ZNF284: variants seen among roughly 807,000 people sequenced by gnomAD.
ZNF284 encodes zinc finger protein 284.
Under a neutral mutation model 12.9 loss-of-function variants are expected in ZNF284, and 12 were observed. The observed-to-expected ratio is 0.93, with a 90% CI of 0.60 to 1.51. The LOEUF is 1.51. ZNF284 is among the 40% of genes most tolerant of loss of function. The pLI is 0.00. For missense variants in ZNF284, 667 were observed against 707.3 expected (o/e 0.94, Z 0.65); for synonymous variants, 225 against 236.5 (o/e 0.95, Z 0.45).
At chr19:44,076,299 T>TG in intron 1 of ZNF284, 23 bp from the exon 2 acceptor site, 1 of 1,343,490 alleles carries the variant, frequency 7.4e-7, no homozygotes. Context: ...TTTTTTTTTT[T>TG]TGCCTTCCAT....
intron 4 of ZNF284, among the ~76,000 whole-genome samples, chr19:44,082,749 T>C (rs1251165329): frequency 6.6e-6 from 1 of 152,144 alleles, no homozygotes; most frequent in Non-Finnish European, 1.5e-5. Flanking sequence ...AGCAGCTACA[T>C]TGCATCTCTA....
rs1348433966 is a variant in ZNF284 at position 44,087,113 on chromosome 19, G to T, written c.1635G>T (p.Gly545=). ...AACTATTCCAATGTGAGGATTGTGG[G>T]AAGAGCAGTGAGCACAGTTCATGCC... ...REKLFQCEDC[G]KSSEHSSCLQ... is the part of the protein sequence containing the mutation. The change falls in exon 5 of 5, where the codon GGG becomes GGT. Residue 545 remains glycine, a synonymous_variant. Coordinates refer to ENST00000421176, the MANE Select transcript of ZNF284 (RefSeq NM_001037813.4). 1 of 1,614,152 alleles carries T rather than the reference G, an allele frequency of 6.2e-7. No individual in the cohort carries two copies. Among genetic ancestry groups the T allele is most frequent in the South Asian group, 1.1e-5 (1 of 91,068 alleles).
chr19:44,084,385 G>A (rs532592258), intron 4 of ZNF284, among the ~76,000 whole-genome samples: 17 of 152,328 alleles, frequency 1.1e-4, no homozygotes, highest in Non-Finnish European at 2.4e-4. Context: ...ACGGGCACAG[G>A]TTGTGGTGGG....
rs1967241968 is a variant in ZNF284, at chr19:44,086,225, T to C, written c.747T>C (p.His249=). The C allele has an allele frequency of 1.2e-6, 2 of 1,614,174 alleles. No homozygotes were observed. The highest frequency in any genetic ancestry group is 8.5e-7 in the Non-Finnish European group (1 of 1,180,022). ...GCCGTAGATCAGGAATGTATGTTCA[T>C]TGCAAATTACACACAGGAGAAAAAC... is the stretch of plus-strand genomic sequence containing the variant. ...SFSRRSGMYV[H]CKLHTGEKPH... The change falls in exon 5 of 5, where the codon CAT becomes CAC. Residue 249 remains histidine (H), a synonymous_variant. Coordinates refer to ENST00000421176, the MANE Select transcript of ZNF284 (RefSeq NM_001037813.4).
At chr19:44,075,079 T>C (rs1336782373) in intron 1 of ZNF284, among the ~76,000 whole-genome samples, 1 of 152,154 alleles carries the variant, frequency 6.6e-6, no homozygotes, top group Non-Finnish European at 1.5e-5. Flanking sequence ...ATAATAGTAG[T>C]TGTAGTGTCA....
chr19:44,086,237 C>T lies in ZNF284; in HGVS notation c.759C>T (p.His253=), dbSNP rs773072009. 1.2e-6 allele frequency: 2 copies of T among 1,614,184 alleles called. No homozygotes were observed. The highest frequency in any genetic ancestry group is 8.5e-7 in the Non-Finnish European group (1 of 1,180,032). The change falls in exon 5 of 5, where the codon CAC becomes CAT. Residue 253 remains histidine, a synonymous_variant. Transcript: ENST00000421176. ...GAATGTATGTTCATTGCAAATTACA[C>T]ACAGGAGAAAAACCTCATATTTGTG... ...RSGMYVHCKL[H]TGEKPHICEE...
intron 4 of ZNF284, among the ~76,000 whole-genome samples, chr19:44,083,002 A>C (rs1967152452): frequency 1.3e-5 from 2 of 152,122 alleles, no homozygotes. Context: ...TGTCTACTAC[A>C]GAAGCTTCTG....
chr19:44,083,270 C>T (rs1318277595), intron 4 of ZNF284, among the ~76,000 whole-genome samples: 1 of 151,324 alleles, frequency 6.6e-6, no homozygotes, highest in Non-Finnish European at 1.5e-5. Flanking sequence ...CCTGACTCTA[C>T]TAAAAATATA....
chr19:44,077,535 C>CTTTTTTTTTTT (rs763788955), intron 2 of ZNF284, among the ~76,000 whole-genome samples: 94 of 76,134 alleles, frequency 1.2e-3, no homozygotes, highest in East Asian at 2.0e-3. Flanking sequence ...ATTTTTCTGT[C>CTTTTTTTTTTT]TTTTTTTTTT....
chr19:44,074,017 C>A (rs1321871952), intron 1 of ZNF284, among the ~76,000 whole-genome samples: 2 of 152,088 alleles, frequency 1.3e-5, no homozygotes, highest in African/African-American at 4.8e-5. Context: ...TCATGCTCAT[C>A]CTAATTTATC....
At position 44,081,922 on chromosome 19, in the gene ZNF284, G is replaced by A. The variant is rs1056532565; in HGVS notation, c.143-91G>A. On this transcript the variant is annotated intron_variant, in intron 3 of 4. Transcript: ENST00000421176. ...TTGGGGACACCGCCAAACCATATCA[G>A]TGTTCAAGTTCGAGTGTGCAGTGAG... The A allele has an allele frequency of 4.2e-6, 4 of 944,418 alleles. 1 individual carries two copies. The highest frequency in any genetic ancestry group is 4.1e-5 in the Admixed American group (2 of 49,330). The allele number at this position is 944,418 out of a possible 1,614,324, so 58.5% of individuals were successfully genotyped here.
At chr19:44,080,335 G>A (rs1049760175) in intron 2 of ZNF284, among the ~76,000 whole-genome samples, 2 of 152,244 alleles carry the variant, frequency 1.3e-5, no homozygotes, top group Non-Finnish European at 2.9e-5. Flanking sequence ...GGTGGCTCAT[G>A]CCTGTAATCC....
chr19:44,082,998 C>T (rs1052645125), intron 4 of ZNF284, among the ~76,000 whole-genome samples: 4 of 152,170 alleles, frequency 2.6e-5, no homozygotes, highest in Non-Finnish European at 5.9e-5. Flanking sequence ...GTTCTGTCTA[C>T]TACAGAAGCT....
intron 4 of ZNF284, among the ~76,000 whole-genome samples, chr19:44,084,991 C>T (rs1967206374): frequency 6.6e-6 from 1 of 152,120 alleles, no homozygotes; most frequent in Admixed American, 6.5e-5. Flanking sequence ...TGCTGGAGTG[C>T]ACAGCGGAAA....
chr19:44,083,466 T>TAGAGAG (rs1394825145), intron 4 of ZNF284, among the ~76,000 whole-genome samples: 5 of 62,332 alleles, frequency 8.0e-5, no homozygotes, highest in East Asian at 3.2e-4. Context: ...TATATATATA[T>TAGAGAG]ATATATATAG....
chr19:44,083,475 A>ATATATATATATATATATATAAT (rs1491582978), intron 4 of ZNF284, among the ~76,000 whole-genome samples: 1 of 59,006 alleles, frequency 1.7e-5, no homozygotes, highest in Non-Finnish European at 3.8e-5. Context: ...ATATATATAT[A>ATATATATATATATATATATAAT]GAGAGAGAGA....
intron 1 of ZNF284, among the ~76,000 whole-genome samples, chr19:44,072,719 C>T (rs1966965022): frequency 6.6e-6 from 1 of 152,224 alleles, no homozygotes; most frequent in South Asian, 2.1e-4. Flanking sequence ...TGCAGGGATC[C>T]CCGCCCTTGT....
At chr19:44,079,928 C>CA (rs1327717474) in intron 2 of ZNF284, among the ~76,000 whole-genome samples, 3 of 150,926 alleles carry the variant, frequency 2.0e-5, no homozygotes, top group African/African-American at 4.9e-5. Flanking sequence ...AACTCCGTCT[C>CA]AAAAAAAAGA....
rs565176586 is a variant in ZNF284, at chr19:44,088,758, C to G, written c.*1498C>G. 1 of 151,462 alleles carries G rather than the reference C, an allele frequency of 6.6e-6. No individual in the cohort carries two copies. The highest frequency in any genetic ancestry group is 2.4e-5 in the African/African-American group (1 of 41,228). 9.4% of individuals were successfully genotyped at this position (151,462 alleles called of 1,614,324 possible). ...ATATGTTAATTTTAGTAGATACTTC[C>G]GAAAAGTATTTCAAACTGGTTGTAC... On this transcript the variant is annotated 3_prime_UTR_variant, in exon 5 of 5. Coordinates refer to ENST00000421176, the MANE Select transcript of ZNF284 (RefSeq NM_001037813.4).
Sources: allele counts gnomAD v4.1 joint callset (sites outside exome capture counted in the v4.1 genomes callset), GRCh38; gene constraint gnomAD v4.1.1; transcripts MANE v1.5; gene names NCBI Gene and HGNC (gene_info 2026-07-23, HGNC 2026-07-21).